Variants in KIAA1217 observed in about 807,000 individuals in gnomAD.
The protein encoded by KIAA1217 is sickle tail protein homolog.
In KIAA1217, 88 loss-of-function variants were observed where a neutral mutation model predicts 163.9. The ratio of observed to expected loss-of-function variants is 0.54; its 90% CI spans 0.45 to 0.64. The LOEUF is 0.64. Among genes scored for constraint, KIAA1217 ranks in the 30% least tolerant of loss-of-function variants. The probability of loss-of-function intolerance (pLI) is 0.00; values close to 1 mark genes in which losing one functional copy is unlikely to be tolerated. For synonymous variants in KIAA1217, 903 were observed against 923.1 expected (o/e 0.98, Z 0.39); for missense variants, 2,372 against 2,475.0 (o/e 0.96, Z 0.88).
chr10:24,395,167 T>C lies in KIAA1217; in HGVS notation c.553+14100T>C, dbSNP rs1290085042. On this transcript the variant is annotated intron_variant, in intron 3 of 20. Coordinates refer to ENST00000376454, the MANE Select transcript of KIAA1217 (RefSeq NM_019590.5). ...GAGAATAGAAAGTTGTCATTTTACA[T>C]TGGCAGGAAAACATAGAGGCCCTTG... Among the ~76,000 whole-genome samples the C allele has an allele frequency of 5.3e-5, 8 of 152,238 alleles. No individual in the cohort carries two copies. The East Asian group carries it at 1.5e-3, about 29-fold the overall frequency.
At chr10:23,988,342 T>C (rs545795568) in intron 1 of KIAA1217, among the ~76,000 whole-genome samples, 88 of 152,240 alleles carry the variant, frequency 5.8e-4, no homozygotes, top group Non-Finnish European at 9.3e-4. Context: ...GTTTCAGAGA[T>C]TCATAAAACT....
chr10:23,702,480 T>C (rs1836524295), intron 1 of KIAA1217, among the ~76,000 whole-genome samples: 1 of 152,204 alleles, frequency 6.6e-6, no homozygotes, highest in South Asian at 2.1e-4. Context: ...GAAACCTATT[T>C]AATTTATGGC....
intron 1 of KIAA1217, among the ~76,000 whole-genome samples, chr10:24,209,687 G>A (rs1295260722): frequency 6.6e-6 from 1 of 152,222 alleles, no homozygotes; most frequent in Non-Finnish European, 1.5e-5. Flanking sequence ...GCAGATGCAT[G>A]CTGGCTGCAA....
At chr10:24,392,562 C>A (rs2055125971) in intron 3 of KIAA1217, among the ~76,000 whole-genome samples, 1 of 152,186 alleles carries the variant, frequency 6.6e-6, no homozygotes, top group African/African-American at 2.4e-5. Flanking sequence ...TGGGTAACTT[C>A]AGCTGAAGAG....
rs189076541 is a variant in KIAA1217, at chr10:24,402,848, A to G, written c.553+21781A>G. 2.5e-3 allele frequency among the ~76,000 whole-genome samples: 375 copies of G among 152,150 alleles called. 1 individual carries two copies. Among genetic ancestry groups the G allele is most frequent in the Admixed American group, 6.5e-3 (100 of 15,292 alleles). On this transcript the variant is annotated intron_variant, in intron 3 of 20. Coordinates refer to ENST00000376454, the MANE Select transcript of KIAA1217 (RefSeq NM_019590.5). ...TCTTTTCATCCTCTGAAGGAGATCC[A>G]GTCTGGGCACGATGGCTCATGCCTG...
intron 6 of KIAA1217, among the ~76,000 whole-genome samples, chr10:24,490,568 T>C (rs1325078873): frequency 6.6e-6 from 1 of 152,254 alleles, no homozygotes; most frequent in East Asian, 1.9e-4. Flanking sequence ...ATAAATCAGA[T>C]AATGTCCCCA....
rs1564341328 is a variant in KIAA1217, at chr10:24,249,621, TAA to T, written c.354+29716_354+29717del. On this transcript the variant is annotated intron_variant, in intron 2 of 20. Transcript: ENST00000376454. Reference sequence around the variant, plus strand: ...CTTTATTCATGCCAATGCAATACAATAAAAATATTCCCCATATACACTTAAAT... The same window carrying T: ...CTTTATTCATGCCAATGCAATACAATAAATATTCCCCATATACACTTAAAT... Among the ~76,000 whole-genome samples, 6 of 152,124 alleles carry T rather than the reference TAA, an allele frequency of 3.9e-5. 1 individual carries two copies. Among genetic ancestry groups the T allele is most frequent in the Admixed American group, 3.9e-4 (6 of 15,266 alleles).
chr10:24,531,212 A>T (rs1259293247), intron 14 of KIAA1217, among the ~76,000 whole-genome samples: 2 of 152,238 alleles, frequency 1.3e-5, no homozygotes, highest in Non-Finnish European at 1.5e-5. Flanking sequence ...ACAAAATAAA[A>T]AAAATTAAAA....
intron 3 of KIAA1217, among the ~76,000 whole-genome samples, chr10:24,387,540 G>A (rs74482058): frequency 6.6e-6 from 1 of 152,170 alleles, no homozygotes; most frequent in African/African-American, 2.4e-5. Flanking sequence ...CATAGTGTTG[G>A]AAGTTCTGGC....
intron 1 of KIAA1217, among the ~76,000 whole-genome samples, chr10:23,709,246 G>A (rs1414288519): frequency 1.3e-5 from 2 of 152,150 alleles, no homozygotes; most frequent in East Asian, 1.9e-4. Context: ...ACTTTCAGGT[G>A]GGTGCGGTGG....
chr10:24,353,305 C>T (rs897573816), intron 2 of KIAA1217, among the ~76,000 whole-genome samples: 12 of 152,186 alleles, frequency 7.9e-5, no homozygotes, highest in Non-Finnish European at 1.6e-4. Flanking sequence ...GTTACAATCT[C>T]TGTTTGTCCT....
At chr10:24,191,863 C>T (rs1020868330) in intron 2 of KIAA1217, among the ~76,000 whole-genome samples, 3 of 152,240 alleles carry the variant, frequency 2.0e-5, no homozygotes, top group Admixed American at 6.5e-5. Flanking sequence ...AAGCAATTCT[C>T]ATGCCTCAGT....
intron 1 of KIAA1217, among the ~76,000 whole-genome samples, chr10:23,704,036 G>A (rs1423718035): frequency 6.7e-6 from 1 of 148,618 alleles, no homozygotes; most frequent in African/African-American, 2.5e-5. Context: ...TGGAAACCGA[G>A]GACTGGTGTA....
rs12414984 is a variant in KIAA1217 at position 23,699,860 on chromosome 10, T to C, written c.-321+4626T>C. On this transcript the variant is annotated intron_variant, in intron 1 of 18. Transcript: ENST00000376462. Reference sequence around the variant, plus strand: ...TTAATATAATTGCTTTTCCTCCAGATCGTAAGTTTTAAGAAGGGAAGGAAC... The same window carrying C: ...TTAATATAATTGCTTTTCCTCCAGACCGTAAGTTTTAAGAAGGGAAGGAAC... 6.7e-3 allele frequency among the ~76,000 whole-genome samples: 1,025 copies of C among 152,330 alleles called. 40 individuals carry two copies. Among genetic ancestry groups the C allele is most frequent in the Admixed American group, 0.062 (946 of 15,298 alleles).
intron 1 of KIAA1217, among the ~76,000 whole-genome samples, chr10:23,795,592 C>A (rs1836162332): frequency 6.6e-6 from 1 of 152,138 alleles, no homozygotes; most frequent in African/African-American, 2.4e-5. Context: ...GTCCAAAAGG[C>A]TGGATATCTT....
intron 1 of KIAA1217, among the ~76,000 whole-genome samples, chr10:23,859,480 A>G (rs1839856816): frequency 6.6e-6 from 1 of 152,176 alleles, no homozygotes; most frequent in African/African-American, 2.4e-5. Flanking sequence ...ATATTTTGCA[A>G]AATAATGGCA....
intron 2 of KIAA1217, among the ~76,000 whole-genome samples, chr10:24,113,068 G>C (rs553573595): frequency 1.3e-5 from 2 of 152,186 alleles, no homozygotes; most frequent in South Asian, 4.2e-4. Flanking sequence ...GACACACCCT[G>C]ATTCCAGGGT....
At position 24,484,238 on chromosome 10, in the gene KIAA1217, TA is replaced by T. The variant is rs1386349004; in HGVS notation, c.1679+10179del. Reference sequence around the variant, plus strand: ...AGATAGATATACATATATATATATATATATTTTTTTTTTTTTTTTTTTTTTT... The same window carrying T: ...AGATAGATATACATATATATATATATTATTTTTTTTTTTTTTTTTTTTTTT... On this transcript the variant is annotated intron_variant, in intron 6 of 20. Coordinates refer to ENST00000376454, the MANE Select transcript of KIAA1217 (RefSeq NM_019590.5). Among the ~76,000 whole-genome samples the T allele has an allele frequency of 1.4e-3, 134 of 93,870 alleles. 1 individual carries two copies. Among genetic ancestry groups the T allele is most frequent in the Non-Finnish European group, 2.3e-3 (104 of 44,690 alleles). 61.6% of individuals were successfully genotyped at this position (93,870 alleles called of 152,430 possible).
intron 1 of KIAA1217, among the ~76,000 whole-genome samples, chr10:23,922,127 A>G (rs1180175454): frequency 6.6e-6 from 1 of 151,972 alleles, no homozygotes; most frequent in Non-Finnish European, 1.5e-5. Context: ...ACATAATGCA[A>G]CCTCTGGCCA....
Sources: allele counts gnomAD v4.1 joint callset (sites outside exome capture counted in the v4.1 genomes callset), GRCh38; gene constraint gnomAD v4.1.1; transcripts MANE v1.5; gene names NCBI Gene and HGNC (gene_info 2026-07-23, HGNC 2026-07-21).